The following LITAF variants were observed in gnomAD, a reference collection of about 807,000 sequenced individuals.
The protein encoded by LITAF is lipopolysaccharide induced TNF factor, also known as lipopolysaccharide-induced tumor necrosis factor-alpha factor.
Under a neutral mutation model 14.5 loss-of-function variants are expected in LITAF, and 9 were observed. That is an observed-to-expected ratio of 0.62 (90% CI 0.37 to 1.08). LITAF has a LOEUF of 1.08. LITAF is among the 50% of genes least tolerant of loss of function. The pLI, the probability that LITAF is intolerant of heterozygous loss-of-function variation, is 0.01. For missense variants in LITAF, 206 were observed against 213.4 expected (o/e 0.97, Z 0.22); for synonymous variants, 98 against 88.2 (o/e 1.11, Z -0.62).
chr16:11,629,620 T>A (rs2065105892), intron 3 of LITAF, among the ~76,000 whole-genome samples: 1 of 152,156 alleles, frequency 6.6e-6, no homozygotes, highest in Non-Finnish European at 1.5e-5. Context: ...GGCTCCTTCC[T>A]TCCTCTTCTT....
chr16:11,596,895 C>T (rs1364073995), intron 1 of LITAF, among the ~76,000 whole-genome samples: 1 of 151,856 alleles, frequency 6.6e-6, no homozygotes, highest in Admixed American at 6.6e-5. Context: ...GGTGCCAGGC[C>T]CTGGAATGTA....
chr16:11,598,361 T>G (rs2064905462), intron 1 of LITAF: 1 of 150,550 alleles, frequency 6.6e-6, no homozygotes, highest in South Asian at 2.1e-4. Context: ...AAGAACCTCC[T>G]TGTCTAGGGT....
rs1260121225 is a variant in LITAF, at chr16:11,549,436, C to T, written c.*201G>A. ...ACTCAAGGGGAATGTCTTTGCAAGT[C>T]CTATGCACGACTCCAAGCAGCAATT... On this transcript the variant is annotated 3_prime_UTR_variant, in exon 4 of 4. Coordinates refer to ENST00000622633, the MANE Select transcript of LITAF (RefSeq NM_001136472.2). The surrounding 1 kb of genome is among the most constrained non-coding windows in gnomAD (Gnocchi z 4.6). 1.3e-5 allele frequency: 8 copies of T among 632,804 alleles called. No individual in the cohort carries two copies. Among genetic ancestry groups the T allele is most frequent in the Non-Finnish European group, 5.9e-6 (2 of 340,186 alleles). 39.2% of individuals were successfully genotyped at this position (632,804 alleles called of 1,614,324 possible). A position where few individuals can be genotyped will look rare whatever the true frequency, so the allele number is the denominator to read the frequency against.
At chr16:11,620,184 GAAAAGAAAAGA>G (rs1482272038) in intron 3 of LITAF, among the ~76,000 whole-genome samples, 2 of 147,006 alleles carry the variant, frequency 1.4e-5, no homozygotes, top group African/African-American at 5.1e-5. Flanking sequence ...AAAAAAAAAA[GAAAAGAAAAGA>G]AAAAGAAAAG....
upstream of LITAF, chr16:11,587,346 C>T (rs929004360): frequency 6.6e-6 from 3 of 451,670 alleles, no homozygotes; most frequent in East Asian, 7.0e-5. Context: ...ACCTCGACCC[C>T]GGACCCGCGC....
intron 3 of LITAF, among the ~76,000 whole-genome samples, chr16:11,614,472 G>T (rs766299014): frequency 6.6e-6 from 1 of 151,820 alleles, no homozygotes; most frequent in Non-Finnish European, 1.5e-5. Context: ...GCTAATTTTT[G>T]TATTTTTAGT....
upstream of LITAF, among the ~76,000 whole-genome samples, chr16:11,588,673 A>C (rs376861562): frequency 6.6e-6 from 1 of 152,164 alleles, no homozygotes; most frequent in Non-Finnish European, 1.5e-5. Flanking sequence ...CTCAGGATGC[A>C]ACCAAGGCTT....
At chr16:11,610,232 CAG>C (rs2064975215) in intron 3 of LITAF, among the ~76,000 whole-genome samples, 1 of 152,252 alleles carries the variant, frequency 6.6e-6, no homozygotes, top group South Asian at 2.1e-4. Flanking sequence ...CAGGGGAAAA[CAG>C]GGGATCTCTA....
rs368041734 is a variant in LITAF, at chr16:11,553,736, C to T, written c.221-47G>A. Reference sequence around the variant, plus strand: ...AACACAGGTTGCTCAGGAAACAAGGCCAATAGCATTCACTACAGGACAAAG... The same window carrying T: ...AACACAGGTTGCTCAGGAAACAAGGTCAATAGCATTCACTACAGGACAAAG... On this transcript the variant is annotated intron_variant, in intron 2 of 3. Transcript: ENST00000622633. This position sits in a 1 kb window ranked among gnomAD's most constrained non-coding sequence, Gnocchi z 7.7. The T allele has an allele frequency of 2.2e-5, 36 of 1,605,362 alleles. No homozygotes were observed. Among genetic ancestry groups the T allele is most frequent in the Non-Finnish European group, 3.0e-5 (35 of 1,172,814 alleles).
chr16:11,564,554 T>C (rs945959624), intron 1 of LITAF, among the ~76,000 whole-genome samples: 2 of 149,508 alleles, frequency 1.3e-5, no homozygotes, highest in Admixed American at 6.8e-5. Flanking sequence ...GTGTTCTAGA[T>C]AGAATCTTGA....
chr16:11,603,561 G>A (rs887822035), intron 3 of LITAF, among the ~76,000 whole-genome samples: 5 of 152,350 alleles, frequency 3.3e-5, no homozygotes, highest in African/African-American at 1.2e-4. Context: ...GGGAATGGCT[G>A]GAAACGCCCT....
chr16:11,596,832 AGGT>A (rs1445208542), intron 1 of LITAF, among the ~76,000 whole-genome samples: 13 of 129,256 alleles, frequency 1.0e-4, no homozygotes, highest in Non-Finnish European at 2.0e-4. Flanking sequence ...GAGGAGGAGG[AGGT>A]GGTGGGGAGG....
rs372368909 is a variant in LITAF at position 11,549,816 on chromosome 16, T to G, written c.378-71A>C. 21 of 1,171,690 alleles carry G rather than the reference T, an allele frequency of 1.8e-5. No individual in the cohort carries two copies. Among genetic ancestry groups the G allele is most frequent in the African/African-American group, 1.5e-4 (10 of 65,964 alleles). The allele number at this position is 1,171,690 out of a possible 1,614,324, so 72.6% of individuals were successfully genotyped here. On this transcript the variant is annotated intron_variant, in intron 3 of 3. Transcript: ENST00000622633. This position sits in a 1 kb window ranked among gnomAD's most constrained non-coding sequence, Gnocchi z 4.6. ...GGGTGAACACTGGCTGCCAAAACCATGTTCATGTCCTTCTTTGTAAAAAGG... is the reference window on the plus strand; with the variant it reads ...GGGTGAACACTGGCTGCCAAAACCAGGTTCATGTCCTTCTTTGTAAAAAGG...
chr16:11,566,923 T>C (rs183112204), intron 1 of LITAF, among the ~76,000 whole-genome samples: 6 of 152,322 alleles, frequency 3.9e-5, no homozygotes, highest in African/African-American at 1.2e-4. Context: ...AGCCTCCATA[T>C]AGATGGTCTC....
chr16:11,578,450 G>C (rs2064679031), intron 1 of LITAF, among the ~76,000 whole-genome samples: 1 of 152,126 alleles, frequency 6.6e-6, no homozygotes, highest in South Asian at 2.1e-4. Context: ...AGAATTGCTT[G>C]AACCCAGGAG....
intron 1 of LITAF, among the ~76,000 whole-genome samples, chr16:11,577,255 T>G (rs968321474): frequency 6.6e-6 from 1 of 152,008 alleles, no homozygotes; most frequent in Admixed American, 6.6e-5. Context: ...CCTGTGCCCA[T>G]ATGGCACATC....
intron 1 of LITAF, among the ~76,000 whole-genome samples, chr16:11,576,534 C>CAAAAA (rs66551972): frequency 6.4e-5 from 4 of 62,930 alleles, no homozygotes; most frequent in Middle Eastern, 6.2e-3. Flanking sequence ...TTACAATCTG[C>CAAAAA]AAAAAAAAAA....
chr16:11,636,166 G>A (rs2141914365), intron 1 of LITAF: 1 of 152,320 alleles, frequency 6.6e-6, no homozygotes, highest in South Asian at 2.1e-4. Flanking sequence ...TCGGAGCCGG[G>A]CTGGGGCAAT....
intron 3 of LITAF, among the ~76,000 whole-genome samples, chr16:11,631,142 G>C (rs962745778): frequency 6.6e-6 from 1 of 152,198 alleles, no homozygotes; most frequent in African/African-American, 2.4e-5. Context: ...GGTCGCCATG[G>C]GGTAAGTGCA....
Sources: allele counts gnomAD v4.1 joint callset (sites outside exome capture counted in the v4.1 genomes callset), GRCh38; gene constraint gnomAD v4.1.1; non-coding constraint Gnocchi (gnomAD v3.1); transcripts MANE v1.5; gene names NCBI Gene and HGNC (gene_info 2026-07-23, HGNC 2026-07-21).